SPEF2: variants seen among roughly 807,000 people sequenced by gnomAD.
SPEF2 encodes sperm flagellar and cilia associated 2, also known as sperm flagella and cilia-associated protein 2.
SPEF2 carries 187 observed loss-of-function variants against 224.6 expected under a neutral mutation model. The observed-to-expected ratio is 0.83, with a 90% CI of 0.74 to 0.94. The LOEUF is 0.94. Ranked by LOEUF, SPEF2 falls within the 40% of genes least tolerant of loss-of-function variation. SPEF2 has a pLI of 0.00. For synonymous variants in SPEF2, 715 were observed against 707.3 expected, an observed-to-expected ratio of 1.01 and a Z score of -0.17; for missense variants, 2,170 against 2,135.6, an observed-to-expected ratio of 1.02 and a Z score of -0.32.
chr5:35,733,772 A>T (rs1488184337), intron 21 of SPEF2, among the ~76,000 whole-genome samples: 1 of 147,878 alleles, frequency 6.8e-6, no homozygotes, highest in African/African-American at 2.6e-5. Context: ...TCAGAGAGAC[A>T]GTACAGTGAA....
intron 10 of SPEF2, among the ~76,000 whole-genome samples, chr5:35,686,114 A>G (rs1213647197): frequency 1.3e-5 from 2 of 152,108 alleles, no homozygotes; most frequent in East Asian, 1.9e-4. Context: ...GTGACATAAT[A>G]CAAGTGCTAA....
rs140290306 is a variant in SPEF2 at position 35,765,620 on chromosome 5, A to G, written c.3801+1918A>G. Among the ~76,000 whole-genome samples the G allele has an allele frequency of 2.0e-3, 312 of 152,290 alleles. 1 individual carries two copies. The highest frequency in any genetic ancestry group is 3.0e-3 in the Non-Finnish European group (206 of 68,014). ...TGCATTGCTCCATTTGTCTGTGCTTATACCAACACCACACCAATATACCAT... is the reference window on the plus strand; with the variant it reads ...TGCATTGCTCCATTTGTCTGTGCTTGTACCAACACCACACCAATATACCAT... On this transcript the variant is annotated intron_variant, in intron 26 of 36. Transcript: ENST00000356031.
chr5:35,799,159 A>C (rs758324294), intron 33 of SPEF2, among the ~76,000 whole-genome samples: 16 of 152,192 alleles, frequency 1.1e-4, no homozygotes, highest in Non-Finnish European at 1.5e-5. Context: ...CCATATACTT[A>C]ACCAGAATTC....
intron 30 of SPEF2, chr5:35,788,772 A>G (rs1188833134): frequency 1.4e-6 from 1 of 703,060 alleles, no homozygotes; most frequent in Admixed American, 2.0e-5. Context: ...TGCTTTGCAC[A>G]TCACCTTGAA....
chr5:35,770,879 A>C (rs775347792), intron 26 of SPEF2, among the ~76,000 whole-genome samples: 1 of 126,120 alleles, frequency 7.9e-6, no homozygotes, highest in Non-Finnish European at 1.6e-5. Context: ...AGAGAAGCTG[A>C]AAGTCAGCCC....
intron 16 of SPEF2, among the ~76,000 whole-genome samples, chr5:35,702,934 G>C (rs1174240219): frequency 6.6e-6 from 1 of 152,030 alleles, no homozygotes; most frequent in African/African-American, 2.4e-5. Flanking sequence ...TTTGGTGACT[G>C]GTATGCGAGC....
At chr5:35,758,664 C>T (rs1699460007) in intron 24 of SPEF2, among the ~76,000 whole-genome samples, 1 of 152,162 alleles carries the variant, frequency 6.6e-6, no homozygotes, top group Admixed American at 6.5e-5. Context: ...TCTCTCTCTT[C>T]TCCACATATT....
At chr5:35,787,285 A>G (rs1755293605) in intron 30 of SPEF2, among the ~76,000 whole-genome samples, 1 of 148,372 alleles carries the variant, frequency 6.7e-6, no homozygotes, top group African/African-American at 2.5e-5. Context: ...TGGTAAATTA[A>G]CAAGTTTGCT....
intron 8 of SPEF2, among the ~76,000 whole-genome samples, chr5:35,665,764 C>T (rs987799364): frequency 6.6e-6 from 1 of 152,026 alleles, no homozygotes; most frequent in African/African-American, 2.4e-5. Flanking sequence ...TGTACTCTTT[C>T]TCCATAAAAA....
chr5:35,718,315 C>T (rs1010954216), intron 20 of SPEF2, among the ~76,000 whole-genome samples: 3 of 152,036 alleles, frequency 2.0e-5, no homozygotes, highest in Non-Finnish European at 2.9e-5. Context: ...TACGGAGATG[C>T]AATTACCTAT....
At chr5:35,737,103 C>G (rs1055074552) in intron 21 of SPEF2, among the ~76,000 whole-genome samples, 3 of 152,096 alleles carry the variant, frequency 2.0e-5, no homozygotes, top group African/African-American at 7.2e-5. Context: ...AGAATCTTGA[C>G]CTCACTTGTT....
chr5:35,625,073 T>C (rs1744045499), intron 1 of SPEF2, among the ~76,000 whole-genome samples: 1 of 152,208 alleles, frequency 6.6e-6, no homozygotes, highest in South Asian at 2.1e-4. Context: ...GTTTCCCCTT[T>C]ATTGCTTTTA....
rs772915204 is a variant in SPEF2 at position 35,759,667 on chromosome 5, C to T, written c.3568C>T (p.Arg1190Ter). ...IPVEDNKRFT[R>*]IPLVQLDSKD... ...AGTAGAGGACAACAAGAGATTTACT[C>T]GAATCCCTTTGGTCCAACTGGATAG... is the stretch of plus-strand genomic sequence containing the variant. The change falls in exon 25 of 37, where the codon CGA (arginine) becomes TGA (stop). Residue 1190 changes from arginine (R) to a stop codon, truncating the protein, a stop_gained. Coordinates refer to ENST00000356031, the MANE Select transcript of SPEF2 (RefSeq NM_024867.4). LOFTEE classifies it high-confidence loss of function. The T allele has an allele frequency of 1.9e-6, 3 of 1,609,434 alleles. No individual in the cohort carries two copies. The highest frequency in any genetic ancestry group is 2.2e-5 in the East Asian group (1 of 44,778).
chr5:35,618,110 TGCAGCGCAGC>T lies in SPEF2; in HGVS notation c.58+64_58+73del, dbSNP rs779497955. 62 of 1,536,546 alleles carry T rather than the reference TGCAGCGCAGC, an allele frequency of 4.0e-5. No individual in the cohort carries two copies. The East Asian group carries it at 1.5e-3, about 37-fold the overall frequency. ...TGAGGGGCTAGCGGGGCGCAGAGCC[TGCAGCGCAGC>T]GCAGCGCACTCAGGGAAGGTGGCGG... On this transcript the variant is annotated intron_variant, in intron 1 of 36. Coordinates refer to ENST00000356031, the MANE Select transcript of SPEF2 (RefSeq NM_024867.4).
chr5:35,715,478 T>A (rs1742360933), intron 20 of SPEF2, among the ~76,000 whole-genome samples: 2 of 152,146 alleles, frequency 1.3e-5, no homozygotes, highest in Non-Finnish European at 2.9e-5. Flanking sequence ...AGGAATATTA[T>A]GCCCACTACA....
intron 13 of SPEF2, among the ~76,000 whole-genome samples, chr5:35,694,819 A>G (rs1197001300): frequency 2.0e-5 from 3 of 152,182 alleles, no homozygotes; most frequent in Non-Finnish European, 2.9e-5. Flanking sequence ...ATTTATTCTC[A>G]GCCTTGGGCA....
intron 30 of SPEF2, chr5:35,789,366 A>G (rs1279682788): frequency 2.4e-5 from 17 of 703,294 alleles, no homozygotes; most frequent in South Asian, 2.4e-4. Context: ...CTCCAAATGT[A>G]TCAAACAAGG....
intron 2 of SPEF2, among the ~76,000 whole-genome samples, chr5:35,639,411 A>G (rs1406438678): frequency 6.6e-6 from 1 of 152,186 alleles, no homozygotes; most frequent in Non-Finnish European, 1.5e-5. Context: ...TATATTTGGT[A>G]GGGAAAATAA....
At chr5:35,631,468 G>GTGATGATAA (rs1358757732) in intron 2 of SPEF2, among the ~76,000 whole-genome samples, 1 of 152,176 alleles carries the variant, frequency 6.6e-6, no homozygotes, top group Non-Finnish European at 1.5e-5. Context: ...AAAATAACAA[G>GTGATGATAA]TGATGATAAG....
Sources: gnomAD v4.1 joint callset for allele counts (sites outside exome capture counted in the v4.1 genomes callset) on GRCh38, gnomAD v4.1.1 for gene constraint, MANE v1.5 for transcripts, NCBI Gene and HGNC (gene_info 2026-07-23, HGNC 2026-07-21) for gene names.